The following CDH13 variants were observed in gnomAD, a reference collection of about 807,000 sequenced individuals.
The protein encoded by CDH13 is cadherin 13.
Under a neutral mutation model 63.8 loss-of-function variants are expected in CDH13, and 24 were observed. That is an observed-to-expected ratio of 0.38 (90% CI 0.27 to 0.53). CDH13 has a LOEUF of 0.53. CDH13 is among the 20% of genes least tolerant of loss of function. The pLI, the probability that CDH13 is intolerant of heterozygous loss-of-function variation, is 0.85. For synonymous variants in CDH13, 503 were observed against 355.3 expected, an observed-to-expected ratio of 1.42 and a Z score of -4.67; for missense variants, 1,049 against 903.1, an observed-to-expected ratio of 1.16 and a Z score of -2.07.
chr16:83,011,746 T>G (rs1914179397), intron 2 of CDH13, among the ~76,000 whole-genome samples: 1 of 152,190 alleles, frequency 6.6e-6, no homozygotes, highest in Non-Finnish European at 1.5e-5. Context: ...GCTTTCATTT[T>G]CCAATGCTCT....
intron 2 of CDH13, among the ~76,000 whole-genome samples, chr16:82,910,743 C>G (rs940162839): frequency 6.6e-6 from 1 of 152,150 alleles, no homozygotes; most frequent in African/African-American, 2.4e-5. Context: ...TCATATGATT[C>G]ACAGTGTTTA....
intron 5 of CDH13, among the ~76,000 whole-genome samples, chr16:83,320,621 TC>T (rs1315569215): frequency 6.6e-6 from 1 of 152,142 alleles, no homozygotes; most frequent in Non-Finnish European, 1.5e-5. Flanking sequence ...AACAGATTTT[TC>T]CCCCATTAAA....
At chr16:82,663,007 C>G (rs1912145124) in intron 1 of CDH13, among the ~76,000 whole-genome samples, 1 of 152,184 alleles carries the variant, frequency 6.6e-6, no homozygotes, top group Admixed American at 6.5e-5. Context: ...AAAGGGCTAG[C>G]TGACTTGTCT....
intron 2 of CDH13, among the ~76,000 whole-genome samples, chr16:82,946,690 C>T (rs1904754260): frequency 6.6e-6 from 1 of 150,518 alleles, no homozygotes; most frequent in Non-Finnish European, 1.5e-5. Flanking sequence ...CACTGCACTC[C>T]AGCGTGGGTG....
At chr16:83,468,008 C>T (rs2073360222) in intron 6 of CDH13, among the ~76,000 whole-genome samples, 1 of 152,184 alleles carries the variant, frequency 6.6e-6, no homozygotes. Context: ...TGGCAGTCAG[C>T]ACAGTTCACA....
rs927043205 is a variant in CDH13, at chr16:83,105,163, C to T, written c.367-20222C>T. 3.9e-5 allele frequency among the ~76,000 whole-genome samples: 6 copies of T among 152,320 alleles called. No homozygotes were observed. In the South Asian group the frequency reaches 1.0e-3, roughly 26 times the overall value. On this transcript the variant is annotated intron_variant, in intron 3 of 13. Coordinates refer to ENST00000567109, the MANE Select transcript of CDH13 (RefSeq NM_001257.5). Reference sequence around the variant, plus strand: ...GCTATTTTAAGAGGAGGATCGATTTCACCCTTTTTGGAAAACTCAATCTGG... The same window carrying T: ...GCTATTTTAAGAGGAGGATCGATTTTACCCTTTTTGGAAAACTCAATCTGG...
chr16:82,743,149 C>T (rs1163212991), intron 1 of CDH13, among the ~76,000 whole-genome samples: 1 of 152,134 alleles, frequency 6.6e-6, no homozygotes. Context: ...AAATGTAGAA[C>T]AATACTTTTG....
intron 8 of CDH13, among the ~76,000 whole-genome samples, chr16:83,605,543 C>T (rs920501386): frequency 1.3e-5 from 2 of 152,098 alleles, no homozygotes; most frequent in Non-Finnish European, 1.5e-5. Context: ...ACGGGCTGAT[C>T]GCAGAGCCCA....
intron 4 of CDH13, among the ~76,000 whole-genome samples, chr16:83,157,612 C>T (rs1466936786): frequency 4.6e-5 from 7 of 151,878 alleles, no homozygotes; most frequent in African/African-American, 1.2e-4. Flanking sequence ...GAAATATGTC[C>T]GGCCGGGCGC....
chr16:83,050,238 C>T (rs1356558130), intron 3 of CDH13, among the ~76,000 whole-genome samples: 1 of 152,092 alleles, frequency 6.6e-6, no homozygotes, highest in South Asian at 2.1e-4. Flanking sequence ...GGGTTTATAC[C>T]TAGGAGTGGA....
chr16:83,031,906 G>A lies in CDH13; in HGVS notation c.158-104G>A. On this transcript the variant is annotated intron_variant, in intron 2 of 13. Coordinates refer to ENST00000567109, the MANE Select transcript of CDH13 (RefSeq NM_001257.5). ...AAAACGTAACATTTGTGAACTCTGGGTTGGGAAACTATGTGGTAATTCACA... is the reference window on the plus strand; with the variant it reads ...AAAACGTAACATTTGTGAACTCTGGATTGGGAAACTATGTGGTAATTCACA... 4 of 889,754 alleles carry A rather than the reference G, an allele frequency of 4.5e-6. No individual in the cohort carries two copies. The South Asian group carries it at 4.9e-5, about 11-fold the overall frequency. 55.1% of individuals were successfully genotyped at this position (889,754 alleles called of 1,614,324 possible). A position where few individuals can be genotyped will look rare whatever the true frequency, so the allele number is the denominator to read the frequency against.
chr16:82,818,845 G>C (rs73606847), intron 1 of CDH13, among the ~76,000 whole-genome samples: 2,432 of 152,284 alleles, frequency 0.016, 52 homozygotes, highest in African/African-American at 0.054. Context: ...TCTGCTGTTA[G>C]TGGTGTCATA....
chr16:82,757,065 CT>C, intron 1 of CDH13, among the ~76,000 whole-genome samples: 1 of 152,128 alleles, frequency 6.6e-6, no homozygotes, highest in Admixed American at 6.5e-5. Context: ...GACATTGACG[CT>C]CCTCCATCAC....
At chr16:83,155,007 A>G (rs1188950823) in intron 4 of CDH13, among the ~76,000 whole-genome samples, 1 of 152,270 alleles carries the variant, frequency 6.6e-6, no homozygotes, top group Non-Finnish European at 1.5e-5. Flanking sequence ...CAATTATTTC[A>G]TTATTTAATT....
In CDH13 at chr16:82,688,625, T is replaced by G. The variant is rs796283827; in HGVS notation, c.45+61488T>G. Among the ~76,000 whole-genome samples the G allele has an allele frequency of 3.2e-4, 49 of 152,356 alleles. 1 individual carries two copies. The highest frequency in any genetic ancestry group is 1.1e-3 in the African/African-American group (47 of 41,596). ...CATTCATCTGATGACATGCTTCTTT[T>G]GAACCATTTTGGGATGGTTCTGATA... On this transcript the variant is annotated intron_variant, in intron 1 of 13. Coordinates refer to ENST00000567109, the MANE Select transcript of CDH13 (RefSeq NM_001257.5).
At chr16:83,413,012 A>G (rs879475152) in intron 6 of CDH13, among the ~76,000 whole-genome samples, 16 of 152,324 alleles carry the variant, frequency 1.1e-4, no homozygotes, top group South Asian at 2.1e-4. Flanking sequence ...TCTTTGTCCA[A>G]TATATTGACA....
intron 1 of CDH13, among the ~76,000 whole-genome samples, chr16:82,828,258 T>A (rs2038348978): frequency 6.6e-6 from 1 of 152,210 alleles, no homozygotes; most frequent in South Asian, 2.1e-4. Context: ...TTACGTCTGT[T>A]TCACACACAG....
At chr16:83,249,616 G>A (rs1311020736) in intron 5 of CDH13, among the ~76,000 whole-genome samples, 6 of 152,192 alleles carry the variant, frequency 3.9e-5, no homozygotes, top group East Asian at 1.9e-4. Flanking sequence ...ATCTGACACC[G>A]TGTGTCTGAG....
At chr16:83,320,505 T>C (rs757084877) in intron 5 of CDH13, among the ~76,000 whole-genome samples, 1 of 152,144 alleles carries the variant, frequency 6.6e-6, no homozygotes, top group Non-Finnish European at 1.5e-5. Flanking sequence ...GAGAAATAGA[T>C]CAAAACAAAT....
Sources: allele counts gnomAD v4.1 joint callset (sites outside exome capture counted in the v4.1 genomes callset), GRCh38; gene constraint gnomAD v4.1.1; transcripts MANE v1.5; gene names NCBI Gene and HGNC (gene_info 2026-07-23, HGNC 2026-07-21).